The following HMBOX1 variants were observed in gnomAD, a reference collection of about 807,000 sequenced individuals.
HMBOX1 encodes homeobox containing 1.
A neutral mutation model predicts 54.5 loss-of-function variants in HMBOX1; 14 were observed. The ratio of observed to expected loss-of-function variants is 0.26; its 90% CI spans 0.17 to 0.40. The LOEUF (loss-of-function observed/expected upper bound fraction) is 0.40, where lower values mean the gene tolerates loss of function less well. HMBOX1 is among the 10% of genes least tolerant of loss of function. The pLI, the probability that HMBOX1 is intolerant of heterozygous loss-of-function variation, is 1.00. For synonymous variants in HMBOX1, 160 were observed against 181.0 expected (o/e 0.88, Z 0.93); for missense variants, 332 against 514.4 (o/e 0.65, Z 3.43).
intron 1 of HMBOX1, among the ~76,000 whole-genome samples, chr8:28,932,405 C>T (rs1429425445): frequency 6.6e-6 from 1 of 152,148 alleles, no homozygotes; most frequent in Non-Finnish European, 1.5e-5. Context: ...ATTCTGCTTT[C>T]TAAAGAGAGG....
At chr8:29,035,968 T>A (rs1022913465) in intron 6 of HMBOX1, among the ~76,000 whole-genome samples, 1 of 152,202 alleles carries the variant, frequency 6.6e-6, no homozygotes, top group East Asian at 1.9e-4. Context: ...AATTGTTACA[T>A]AGTAATAAGA....
intron 2 of HMBOX1, among the ~76,000 whole-genome samples, chr8:28,966,934 C>T (rs1435910785): frequency 6.6e-6 from 1 of 152,166 alleles, no homozygotes; most frequent in Non-Finnish European, 1.5e-5. Context: ...TGAAACAAAA[C>T]AGCAAGAAGA....
intron 1 of HMBOX1, among the ~76,000 whole-genome samples, chr8:28,931,563 A>G (rs889048567): frequency 6.6e-6 from 1 of 152,178 alleles, no homozygotes; most frequent in African/African-American, 2.4e-5. Context: ...GTTTTCTGAG[A>G]CAGGATCTTG....
At chr8:29,036,871 AAAG>A (rs1336556961) in intron 6 of HMBOX1, among the ~76,000 whole-genome samples, 1 of 152,220 alleles carries the variant, frequency 6.6e-6, no homozygotes, top group Non-Finnish European at 1.5e-5. Context: ...CCTGCAAAAT[AAAG>A]AAGCTTTCAG....
At chr8:28,990,627 A>G (rs138700975) in intron 4 of HMBOX1, among the ~76,000 whole-genome samples, 42 of 151,522 alleles carry the variant, frequency 2.8e-4, no homozygotes, top group African/African-American at 9.0e-4. Context: ...TGTTCTTTCT[A>G]TTTTTTTGTT....
chr8:28,940,277 G>T (rs1240108315), intron 1 of HMBOX1, among the ~76,000 whole-genome samples: 1 of 152,150 alleles, frequency 6.6e-6, no homozygotes, highest in East Asian at 1.9e-4. Flanking sequence ...AAAGTGCTGG[G>T]ATTACAGGCA....
At chr8:28,960,759 CTTTTTCTTTTTTTTTTTTTTTTTTTTTTT>C (rs1563472692) in intron 1 of HMBOX1, among the ~76,000 whole-genome samples, 1 of 5,126 alleles carries the variant, frequency 2.0e-4, no homozygotes, top group African/African-American at 5.4e-4. Flanking sequence ...TTTTCTTTTT[CTTTTTCTTTTTTTTTTTTTTTTTTTTTTT>C]TTTTTTTTTT....
At chr8:28,976,709 C>CTTTTTTTTTTTTT (rs749880362) in intron 3 of HMBOX1, among the ~76,000 whole-genome samples, 1 of 135,806 alleles carries the variant, frequency 7.4e-6, no homozygotes, top group East Asian at 2.1e-4. Flanking sequence ...TCTTTTTTTT[C>CTTTTTTTTTTTTT]TTTTTTTTTT....
At chr8:29,045,278 A>G (rs1184822590) in intron 6 of HMBOX1, 83 bp from the exon 7 acceptor site, 15 of 1,044,346 alleles carry the variant, frequency 1.4e-5, no homozygotes, top group Non-Finnish European at 2.1e-5. Context: ...ATCTTACAGA[A>G]TATATTTTTC....
chr8:28,897,794 G>A (rs1812452843), intron 1 of HMBOX1, among the ~76,000 whole-genome samples: 1 of 152,202 alleles, frequency 6.6e-6, no homozygotes. Flanking sequence ...CAGCTATTTT[G>A]ACATTAGTTT....
chr8:29,049,458 A>G, intron 9 of HMBOX1: 3 of 1,493,032 alleles, frequency 2.0e-6, no homozygotes, highest in South Asian at 2.6e-5. Flanking sequence ...GCTGGACCCC[A>G]TGCCTAAACA....
chr8:28,957,537 C>A (rs10112804), intron 1 of HMBOX1, among the ~76,000 whole-genome samples: 3,678 of 151,820 alleles, frequency 0.024, 140 homozygotes, highest in African/African-American at 0.085. Context: ...AACAAACCTG[C>A]ACATGTACCC....
intron 1 of HMBOX1, among the ~76,000 whole-genome samples, chr8:28,926,552 T>A (rs1187686028): frequency 6.6e-6 from 1 of 152,172 alleles, no homozygotes; most frequent in East Asian, 1.9e-4. Flanking sequence ...TAGAGCTTTT[T>A]AAATTTTTTT....
At chr8:29,014,059 G>C (rs1243024599) in intron 5 of HMBOX1, among the ~76,000 whole-genome samples, 1 of 136,018 alleles carries the variant, frequency 7.4e-6, no homozygotes, top group Non-Finnish European at 1.6e-5. Flanking sequence ...AGTTCCTATG[G>C]ATGGCGTAGT....
At chr8:28,974,964 ATTC>A (rs1255338423) in intron 3 of HMBOX1, among the ~76,000 whole-genome samples, 9 of 152,178 alleles carry the variant, frequency 5.9e-5, no homozygotes, top group Non-Finnish European at 1.3e-4. Context: ...GGTCTTTATT[ATTC>A]TTTGTTCTAG....
intron 1 of HMBOX1, among the ~76,000 whole-genome samples, chr8:28,927,424 C>A (rs116096358): frequency 6.6e-6 from 1 of 151,994 alleles, no homozygotes; most frequent in African/African-American, 2.4e-5. Context: ...ATACAAGAAG[C>A]GTGACACCAG....
At chr8:29,009,647 T>C in intron 5 of HMBOX1, 1 of 1,259,012 alleles carries the variant, frequency 7.9e-7, no homozygotes, top group Non-Finnish European at 1.0e-6. Context: ...TTTCTAATTC[T>C]AATGACCTGG....
intron 1 of HMBOX1, among the ~76,000 whole-genome samples, chr8:28,895,220 T>C (rs963899236): frequency 6.6e-6 from 1 of 152,242 alleles, no homozygotes; most frequent in Admixed American, 6.5e-5. Context: ...ATTGAAAATA[T>C]TAGTAGCCTC....
At chr8:28,924,913 C>CT (rs368684931) in intron 1 of HMBOX1, among the ~76,000 whole-genome samples, 259 of 126,362 alleles carry the variant, frequency 2.0e-3, no homozygotes, top group Admixed American at 2.9e-3. Flanking sequence ...CGCCCAGCCT[C>CT]TTTTTTTTTT....
Sources: allele counts gnomAD v4.1 joint callset (sites outside exome capture counted in the v4.1 genomes callset), GRCh38; gene constraint gnomAD v4.1.1; transcripts MANE v1.5; gene names NCBI Gene and HGNC (gene_info 2026-07-23, HGNC 2026-07-21).